Variants in PTPRN2 observed in about 807,000 individuals in gnomAD.
The protein encoded by PTPRN2 is protein tyrosine phosphatase receptor type N2, also known as receptor-type tyrosine-protein phosphatase N2.
Under a neutral mutation model 118.8 loss-of-function variants are expected in PTPRN2, and 74 were observed. That is an observed-to-expected ratio of 0.62 (90% confidence interval 0.52 to 0.76). The LOEUF is 0.76. Among genes scored for constraint, PTPRN2 ranks in the 30% least tolerant of loss-of-function variants. PTPRN2 has a pLI of 0.00. For missense variants in PTPRN2, 1,481 were observed against 1,394.4 expected (o/e 1.06, Z -0.99); for synonymous variants, 641 against 608.0 (o/e 1.05, Z -0.80).
chr7:158,407,424 G>C lies in PTPRN2; in HGVS notation c.163+82311C>G, dbSNP rs1188670422. ...CCTGCGTCCTGGGTCCTGGGTCCTG[G>C]GTCCTGGGTCCTGGGTCCTGCGTCC... On this transcript the variant is annotated intron_variant, in intron 2 of 22. Coordinates refer to ENST00000389418, the MANE Select transcript of PTPRN2 (RefSeq NM_002847.5). 8.7e-4 allele frequency among the ~76,000 whole-genome samples: 38 copies of C among 43,448 alleles called. 1 individual carries two copies. The highest frequency in any genetic ancestry group is 1.5e-3 in the South Asian group (1 of 686). The allele number at this position is 43,448 out of a possible 152,430, so 28.5% of individuals were successfully genotyped here. A position where few individuals can be genotyped will look rare whatever the true frequency, so the allele number is the denominator to read the frequency against.
intron 12 of PTPRN2, among the ~76,000 whole-genome samples, chr7:157,770,900 C>A (rs1460054604): frequency 4.6e-5 from 7 of 151,724 alleles, no homozygotes; most frequent in Non-Finnish European, 7.4e-5. Flanking sequence ...CAGCAGAATG[C>A]ACCTGCCCCC....
intron 21 of PTPRN2, among the ~76,000 whole-genome samples, chr7:157,566,657 A>C (rs917028796): frequency 1.3e-5 from 2 of 152,272 alleles, no homozygotes; most frequent in Non-Finnish European, 2.9e-5. Context: ...CGTATTGTCC[A>C]AAGCTGAGCC....
chr7:157,924,132 G>T (rs529937401), intron 11 of PTPRN2, among the ~76,000 whole-genome samples: 1 of 152,158 alleles, frequency 6.6e-6, no homozygotes. Flanking sequence ...AGAAGGCAGG[G>T]TGGGGCCATC....
At chr7:158,216,291 G>A (rs902000826) in intron 3 of PTPRN2, among the ~76,000 whole-genome samples, 3 of 151,662 alleles carry the variant, frequency 2.0e-5, no homozygotes, top group African/African-American at 7.3e-5. Flanking sequence ...TCAAAGGAAG[G>A]GAGGAAGAAA....
At chr7:158,339,955 A>G in intron 2 of PTPRN2, among the ~76,000 whole-genome samples, 1 of 95,146 alleles carries the variant, frequency 1.1e-5, no homozygotes, top group African/African-American at 4.0e-5. Flanking sequence ...CGCAGACGTG[A>G]CTCACACCCA....
chr7:158,142,479 C>T lies in PTPRN2; in HGVS notation c.911-3964G>A, dbSNP rs373138966. Among the ~76,000 whole-genome samples, 13 of 152,364 alleles carry T rather than the reference C, an allele frequency of 8.5e-5. 1 individual carries two copies. Among genetic ancestry groups the T allele is most frequent in the African/African-American group, 2.2e-4 (9 of 41,596 alleles). ...CAACAGCAGCTGTACCCAGATCTCT[C>T]GGGCTTGCCGTCCTAAATCATAATG... On this transcript the variant is annotated intron_variant, in intron 6 of 22. Transcript: ENST00000389418.
chr7:157,687,863 G>C (rs907801675), intron 12 of PTPRN2, among the ~76,000 whole-genome samples: 7 of 152,210 alleles, frequency 4.6e-5, no homozygotes, highest in African/African-American at 1.7e-4. Flanking sequence ...AGCTGTTAAC[G>C]GAACTACTTT....
At chr7:157,673,764 G>A (rs997263687) in intron 13 of PTPRN2, among the ~76,000 whole-genome samples, 4 of 151,828 alleles carry the variant, frequency 2.6e-5, no homozygotes, top group Admixed American at 6.6e-5. Context: ...CTGTTCTCAC[G>A]TACTCTGAAC....
intron 11 of PTPRN2, among the ~76,000 whole-genome samples, chr7:157,936,930 A>C (rs996154915): frequency 1.3e-5 from 2 of 152,238 alleles, no homozygotes; most frequent in African/African-American, 4.8e-5. Flanking sequence ...TTTCCTAAAC[A>C]TAGCCTCTTT....
At chr7:158,401,461 C>T (rs948850899) in intron 2 of PTPRN2, among the ~76,000 whole-genome samples, 1 of 151,650 alleles carries the variant, frequency 6.6e-6, no homozygotes, top group African/African-American at 2.4e-5. Flanking sequence ...CACGGGACGG[C>T]CCCACGGGTG....
intron 3 of PTPRN2, among the ~76,000 whole-genome samples, chr7:158,246,242 T>C (rs1358171278): frequency 6.6e-6 from 1 of 151,838 alleles, no homozygotes; most frequent in African/African-American, 2.4e-5. Context: ...AATTATCACT[T>C]GAAAAAACTC....
At chr7:158,511,786 G>C (rs1357230509) in intron 1 of PTPRN2, among the ~76,000 whole-genome samples, 2 of 152,296 alleles carry the variant, frequency 1.3e-5, no homozygotes, top group African/African-American at 4.8e-5. Flanking sequence ...AAAGAGCCAG[G>C]GTTCCCACAT....
At chr7:158,333,632 C>T (rs1804955955) in intron 2 of PTPRN2, among the ~76,000 whole-genome samples, 1 of 151,190 alleles carries the variant, frequency 6.6e-6, no homozygotes, top group South Asian at 2.1e-4. Context: ...CACCTACAGA[C>T]ATCACTCACA....
chr7:158,255,422 G>C (rs4909156), intron 3 of PTPRN2, among the ~76,000 whole-genome samples: 122,907 of 152,126 alleles, frequency 0.81, 50,110 homozygotes, highest in African/African-American at 0.91. Context: ...GGAACAAGAG[G>C]ATCGGCCACT....
At chr7:158,345,312 G>C (rs1224654281) in intron 2 of PTPRN2, among the ~76,000 whole-genome samples, 1 of 152,164 alleles carries the variant, frequency 6.6e-6, no homozygotes, top group Non-Finnish European at 1.5e-5. Context: ...CTTACTTTGG[G>C]TTTTGTCTTA....
chr7:157,576,145 CA>C lies in PTPRN2; in HGVS notation c.2783+467del, dbSNP rs1267521870. Among the ~76,000 whole-genome samples the C allele has an allele frequency of 2.6e-5, 4 of 152,254 alleles. No individual in the cohort carries two copies. In the East Asian group the frequency reaches 7.7e-4, roughly 29 times the overall value. ...TGAATTTTTTAAAGAGGGTCAGTTT[CA>C]AAATAGCCCTAAAAATACAGACAGC... On this transcript the variant is annotated intron_variant, in intron 19 of 22. Transcript: ENST00000389418.
chr7:158,450,836 G>A (rs544256018), intron 2 of PTPRN2, among the ~76,000 whole-genome samples: 4 of 152,328 alleles, frequency 2.6e-5, no homozygotes, highest in East Asian at 3.9e-4. Flanking sequence ...CTGACCAGGC[G>A]TACGTGTGCT....
intron 3 of PTPRN2, among the ~76,000 whole-genome samples, chr7:158,296,040 G>T (rs1047349278): frequency 6.6e-6 from 1 of 152,214 alleles, no homozygotes; most frequent in African/African-American, 2.4e-5. Context: ...GGTGGAGAAG[G>T]GCGGGTCTCT....
intron 2 of PTPRN2, among the ~76,000 whole-genome samples, chr7:158,352,638 CAG>C (rs1479936802): frequency 1.3e-5 from 2 of 152,198 alleles, no homozygotes; most frequent in Non-Finnish European, 2.9e-5. Flanking sequence ...CCACACATTT[CAG>C]AGAGGCGTAA....
Sources: gnomAD v4.1 joint callset for allele counts (sites outside exome capture counted in the v4.1 genomes callset) on GRCh38, gnomAD v4.1.1 for gene constraint, MANE v1.5 for transcripts, NCBI Gene and HGNC (gene_info 2026-07-23, HGNC 2026-07-21) for gene names.